SAFB2: variants seen among roughly 807,000 people sequenced by gnomAD.
SAFB2 encodes scaffold attachment factor B2.
A neutral mutation model predicts 100.6 loss-of-function variants in SAFB2; 32 were observed. That is an observed-to-expected ratio of 0.32 (90% CI 0.24 to 0.43). The LOEUF is 0.43. Ranked by LOEUF, SAFB2 falls within the 20% of genes least tolerant of loss-of-function variation. SAFB2 has a pLI of 1.00. For missense variants in SAFB2, 1,185 were observed against 1,163.4 expected (o/e 1.02, Z -0.27); for synonymous variants, 500 against 439.4 (o/e 1.14, Z -1.72).
At chr19:5,599,049 G>T (rs560699095) in intron 12 of SAFB2, among the ~76,000 whole-genome samples, 165 bp from the exon 13 acceptor site, 4 of 152,282 alleles carry the variant, frequency 2.6e-5, no homozygotes, top group Non-Finnish European at 5.9e-5. Context: ...GAGCAACACG[G>T]TAACACGGGC....
chr19:5,616,447 A>G lies in SAFB2; in HGVS notation c.314T>C (p.Leu105Pro), dbSNP rs745354607. ...CTGCCCGTCTCTGGAATCGTCTTCC[A>G]GGCCATTATCTTCTGTGCCTTCCTC... Reference protein sequence around the residue: ...MEEEGTEDNGLEDDSRDGQED... With the variant: ...MEEEGTEDNGPEDDSRDGQED... The change falls in exon 3 of 21, where the codon CTG becomes CCG. Residue 105 changes from leucine (L) to proline (P), a missense_variant. By Grantham distance (98) the Leu-to-Pro change is moderately conservative. Around this residue, in one of 3 missense-constraint regions of SAFB2, gnomAD observed 351 missense variants for 341.2 expected, o/e 1.03. Coordinates refer to ENST00000252542, the MANE Select transcript of SAFB2 (RefSeq NM_014649.3). 10 of 1,613,916 alleles carry G rather than the reference A, an allele frequency of 6.2e-6. No homozygotes were observed. Among genetic ancestry groups the G allele is most frequent in the Non-Finnish European group, 4.2e-6 (5 of 1,180,006 alleles).
In SAFB2 at chr19:5,621,296, A is replaced by G. The variant is rs1477359155; in HGVS notation, c.274+13T>C. 2.6e-6 allele frequency: 4 copies of G among 1,557,034 alleles called. No homozygotes were observed. Among genetic ancestry groups the G allele is most frequent in the South Asian group, 1.1e-5 (1 of 89,918 alleles). Reference sequence around the variant, plus strand: ...TCTGAACACTCAAGCCCCAAGCAGCATATGTACAATACCTTTAACACATCT... The same window carrying G: ...TCTGAACACTCAAGCCCCAAGCAGCGTATGTACAATACCTTTAACACATCT... On this transcript the variant is annotated intron_variant, in intron 2 of 20. Transcript: ENST00000252542.
intron 18 of SAFB2, among the ~76,000 whole-genome samples, chr19:5,588,735 A>C (rs1025413278): frequency 1.3e-5 from 2 of 152,152 alleles, no homozygotes; most frequent in Non-Finnish European, 2.9e-5. Context: ...TGCAGCTGCT[A>C]AAAGGGGCAG....
At chr19:5,598,641 T>C in intron 13 of SAFB2, 152 bp downstream of exon 13, 1 of 661,116 alleles carries the variant, frequency 1.5e-6, no homozygotes, top group Non-Finnish European at 2.7e-6. Flanking sequence ...GATTCATGTG[T>C]GTGTCTGTAT....
intron 2 of SAFB2, among the ~76,000 whole-genome samples, chr19:5,616,753 G>A (rs1327035862): frequency 6.8e-6 from 1 of 148,088 alleles, no homozygotes; most frequent in African/African-American, 2.5e-5. Flanking sequence ...CTGGGTTCAA[G>A]CGATTCTCCT....
chr19:5,607,587 A>C (rs1473782003), intron 9 of SAFB2, among the ~76,000 whole-genome samples: 2 of 152,226 alleles, frequency 1.3e-5, no homozygotes, highest in African/African-American at 4.8e-5. Context: ...ACCCACAAGA[A>C]GGCAGATAAA....
At chr19:5,589,070 G>A (rs893771185) in intron 18 of SAFB2, 13 of 152,286 alleles carry the variant, frequency 8.5e-5, no homozygotes, top group Non-Finnish European at 1.5e-5. Flanking sequence ...CCACAGGCCC[G>A]AGAGGGGCCA....
At chr19:5,602,529 A>T (rs1376999947) in intron 11 of SAFB2, among the ~76,000 whole-genome samples, 1 of 151,490 alleles carries the variant, frequency 6.6e-6, no homozygotes, top group Non-Finnish European at 1.5e-5. Flanking sequence ...CACCCAGTTA[A>T]GAGCCATGGG....
At position 5,622,762 on chromosome 19, in the gene SAFB2, A is replaced by T; in HGVS notation, c.-47T>A. The T allele has an allele frequency of 6.4e-7, 1 of 1,553,826 alleles. No individual in the cohort carries two copies. Among genetic ancestry groups the T allele is most frequent in the Non-Finnish European group, 8.7e-7 (1 of 1,154,192 alleles). On this transcript the variant is annotated 5_prime_UTR_variant, in exon 1 of 21. Coordinates refer to ENST00000252542, the MANE Select transcript of SAFB2 (RefSeq NM_014649.3). Reference sequence around the variant, plus strand: ...ACCGACTCAGTCGCACACCGCCGGCAGCTATAGCGGCTCTGAACACAAAAT... The same window carrying T: ...ACCGACTCAGTCGCACACCGCCGGCTGCTATAGCGGCTCTGAACACAAAAT...
rs1226714663 is a variant in SAFB2, at chr19:5,587,496, T to C, written c.2706-97A>G. 6.7e-7 allele frequency: 1 copy of C among 1,488,712 alleles called. No individual in the cohort carries two copies. The highest frequency in any genetic ancestry group is 2.3e-5 in the Admixed American group (1 of 42,810). 92.2% of individuals were successfully genotyped at this position (1,488,712 alleles called of 1,614,324 possible). ...ACGGTCCCGCAGCCTTTAGAGCGCT[T>C]GGGTTTTTTTTCCAGGTGAGAAAAA... is the stretch of plus-strand genomic sequence containing the variant. On this transcript the variant is annotated intron_variant, in intron 20 of 20. Coordinates refer to ENST00000252542, the MANE Select transcript of SAFB2 (RefSeq NM_014649.3). This position sits in a 1 kb window ranked among gnomAD's most constrained non-coding sequence, Gnocchi z 4.9.
At position 5,610,073 on chromosome 19, in the gene SAFB2, A is replaced by G. The variant is rs2052874682; in HGVS notation, c.1218T>C (p.Gly406=). Residue 406 remains glycine (G), a synonymous_variant, in exon 9 of 21, where the codon GGT becomes GGC. Coordinates refer to ENST00000252542, the MANE Select transcript of SAFB2 (RefSeq NM_014649.3). ...ACAGCCCGCTGACCCACAGGTTCCG[A>G]CCAGAACCGCTGCCGACCCGACCTG... The part of the protein sequence containing the change: ...DEKGRVGSGS[G]RNLWVSGLSS... 2 of 1,614,150 alleles carry G rather than the reference A, an allele frequency of 1.2e-6. No individual in the cohort carries two copies. The highest frequency in any genetic ancestry group is 1.1e-5 in the South Asian group (1 of 91,078).
In SAFB2 at chr19:5,593,892, G is replaced by T. The variant is rs1033495588; in HGVS notation, c.2206C>A (p.Arg736=). 4.0e-6 allele frequency: 6 copies of T among 1,495,896 alleles called. No homozygotes were observed. The highest frequency in any genetic ancestry group is 1.4e-5 in the African/African-American group (1 of 69,840). The allele number at this position is 1,495,896 out of a possible 1,614,324, so 92.7% of individuals were successfully genotyped here. A position where few individuals can be genotyped will look rare whatever the true frequency, so the allele number is the denominator to read the frequency against. ...RPGRRPYDLD[R]RDDAYWPEGK... ...GCCCACGCTCTGGGCGGGACTCACC[G>T]GTCCAGGTCGTAGGGCCTCCGCCCG... The change falls in exon 15 of 21, where the codon CGA becomes AGA. Residue 736 remains arginine, a splice_region_variant and synonymous_variant. Transcript: ENST00000252542.
intron 2 of SAFB2, among the ~76,000 whole-genome samples, chr19:5,620,585 T>A (rs933531514): frequency 5.9e-5 from 9 of 152,376 alleles, no homozygotes; most frequent in African/African-American, 2.2e-4. Flanking sequence ...GGCCATATGT[T>A]GTACAATTCC....
chr19:5,599,003 C>A, intron 12 of SAFB2, 119 bp from the exon 13 acceptor site: 1 of 835,270 alleles, frequency 1.2e-6, no homozygotes, highest in Non-Finnish European at 2.0e-6. Context: ...AAGTGACTGA[C>A]ACTAGCCTTG....
chr19:5,612,865 T>C (rs2052938484), intron 5 of SAFB2, among the ~76,000 whole-genome samples: 1 of 152,228 alleles, frequency 6.6e-6, no homozygotes, highest in African/African-American at 2.4e-5. Flanking sequence ...CTGCTGCAGC[T>C]GGCAAACACC....
Position 5,587,590 on chromosome 19 carries a change from T to C in SAFB2, c.2705+111A>G. ...TGCATAAATTGCAAAGAGCTGCTTT[T>C]TGCTTTGTTTTCATAACATCCAACC... On this transcript the variant is annotated intron_variant, in intron 20 of 20. Coordinates refer to ENST00000252542, the MANE Select transcript of SAFB2 (RefSeq NM_014649.3). This position sits in a 1 kb window ranked among gnomAD's most constrained non-coding sequence, Gnocchi z 4.9. The C allele has an allele frequency of 8.9e-6, 13 of 1,455,150 alleles. No homozygotes were observed. Among genetic ancestry groups the C allele is most frequent in the Non-Finnish European group, 1.1e-5 (12 of 1,094,584 alleles). The allele number at this position is 1,455,150 out of a possible 1,614,324, so 90.1% of individuals were successfully genotyped here. A position where few individuals can be genotyped will look rare whatever the true frequency, so the allele number is the denominator to read the frequency against.
In SAFB2 at chr19:5,587,842, C is replaced by G; in HGVS notation, c.2638+26G>C. On this transcript the variant is annotated intron_variant, in intron 19 of 20. Transcript: ENST00000252542. The surrounding 1 kb of genome is among the most constrained non-coding windows in gnomAD (Gnocchi z 4.9). ...GGACACATGTGGGGGCCACAGCCAC[C>G]CTCGTCCCTGGAGCCAGCCCCGTAC... 6.3e-7 allele frequency: 1 copy of G among 1,593,518 alleles called. No individual in the cohort carries two copies. Among genetic ancestry groups the G allele is most frequent in the Non-Finnish European group, 8.6e-7 (1 of 1,169,230 alleles).
chr19:5,587,774 G>A lies in SAFB2; in HGVS notation c.2639-7C>T. The A allele has an allele frequency of 1.3e-6, 2 of 1,552,892 alleles. No homozygotes were observed. The highest frequency in any genetic ancestry group is 1.2e-5 in the South Asian group (1 of 84,320). On this transcript the variant is annotated splice_region_variant and splice_polypyrimidine_tract_variant and intron_variant, in intron 19 of 20. Coordinates refer to ENST00000252542, the MANE Select transcript of SAFB2 (RefSeq NM_014649.3). The surrounding 1 kb of genome is among the most constrained non-coding windows in gnomAD (Gnocchi z 4.9). ...GACAGGCCCCTCTCGCCACCTAGAA[G>A]AGAAGAAGGGTCTGCAAACACTCCG...
intron 17 of SAFB2, 31 bp downstream of exon 17, chr19:5,591,717 C>T: frequency 6.2e-7 from 1 of 1,607,934 alleles, no homozygotes; most frequent in Non-Finnish European, 8.5e-7. Context: ...AGTACAGTGG[C>T]CCCAGGGCTT....
Sources: allele counts gnomAD v4.1 joint callset (sites outside exome capture counted in the v4.1 genomes callset), GRCh38; gene constraint gnomAD v4.1.1; regional missense constraint gnomAD v4.1.1; non-coding constraint Gnocchi (gnomAD v3.1); transcripts MANE v1.5; gene names NCBI Gene and HGNC (gene_info 2026-07-23, HGNC 2026-07-21).